ACSM3: variants seen among roughly 807,000 people sequenced by gnomAD.
ACSM3 encodes acyl-CoA synthetase medium chain family member 3.
Under a neutral mutation model 74.1 loss-of-function variants are expected in ACSM3, and 61 were observed. The ratio of observed to expected loss-of-function variants is 0.82; its 90% CI spans 0.67 to 1.02. The LOEUF is 1.02. Among genes scored for constraint, ACSM3 ranks in the 50% least tolerant of loss-of-function variants. The probability of loss-of-function intolerance (pLI) is 0.00; values close to 1 mark genes in which losing one functional copy is unlikely to be tolerated. For synonymous variants in ACSM3, 213 were observed against 241.5 expected, an observed-to-expected ratio of 0.88 and a Z score of 1.09; for missense variants, 660 against 697.0, an observed-to-expected ratio of 0.95 and a Z score of 0.60.
chr16:20,714,680 G>A (rs985873342), intron 1 of ACSM3, among the ~76,000 whole-genome samples: 6 of 152,258 alleles, frequency 3.9e-5, no homozygotes, highest in African/African-American at 1.4e-4. Context: ...CAGTGGGTGG[G>A]TACCATCGGT....
At chr16:20,690,864 T>C in intron 1 of ACSM3, 1 of 820,418 alleles carries the variant, frequency 1.2e-6, no homozygotes, top group Non-Finnish European at 1.8e-6. Context: ...CCTTGAAATA[T>C]AAGCTTCTTC....
chr16:20,766,296 G>A (rs1809061238), intron 1 of ACSM3, among the ~76,000 whole-genome samples: 1 of 138,310 alleles, frequency 7.2e-6, no homozygotes, highest in Non-Finnish European at 1.6e-5. Context: ...CATTGATAGG[G>A]GACCGGTTTA....
chr16:20,775,274 G>A (rs1567349301), intron 2 of ACSM3, among the ~76,000 whole-genome samples: 1 of 152,144 alleles, frequency 6.6e-6, no homozygotes, highest in South Asian at 2.1e-4. Flanking sequence ...GGGTCCTGGG[G>A]TTTGTTGCAG....
chr16:20,743,742 A>G (rs1038485827), intron 1 of ACSM3: 12 of 152,234 alleles, frequency 7.9e-5, no homozygotes, highest in Non-Finnish European at 1.5e-4. Flanking sequence ...AGAGATTTCT[A>G]GAAGTCCTCA....
intron 4 of ACSM3, among the ~76,000 whole-genome samples, chr16:20,778,865 C>T (rs2080292940): frequency 6.6e-6 from 1 of 152,146 alleles, no homozygotes; most frequent in Non-Finnish European, 1.5e-5. Context: ...ATTCTCCTGC[C>T]TCAGCCTTCC....
intron 1 of ACSM3, chr16:20,702,816 A>G (rs1232959573): frequency 6.6e-6 from 1 of 152,152 alleles, no homozygotes; most frequent in Non-Finnish European, 1.5e-5. Flanking sequence ...CTTTAGTTTA[A>G]TTAGATCCCA....
intron 1 of ACSM3, chr16:20,739,025 T>C: frequency 6.2e-7 from 1 of 1,614,196 alleles, no homozygotes; most frequent in Non-Finnish European, 8.5e-7. Context: ...CTCCGCATCA[T>C]CATCCTCTCC....
intron 1 of ACSM3, among the ~76,000 whole-genome samples, chr16:20,745,810 A>T (rs998132781): frequency 6.6e-6 from 1 of 152,084 alleles, no homozygotes; most frequent in African/African-American, 2.4e-5. Context: ...CTGAAGTTCT[A>T]CTTGTATGTT....
intron 1 of ACSM3, among the ~76,000 whole-genome samples, chr16:20,677,618 G>T (rs234280): frequency 2.0e-5 from 3 of 151,934 alleles, no homozygotes; most frequent in Non-Finnish European, 4.4e-5. Context: ...CCCTTGGGGA[G>T]CCAGACATAG....
intron 1 of ACSM3, chr16:20,737,844 TA>T (rs35801120): frequency 6.2e-7 from 1 of 1,613,904 alleles, no homozygotes; most frequent in East Asian, 2.2e-5. Flanking sequence ...TCATATCTTC[TA>T]AAAAAGCCTT....
At chr16:20,794,664 A>G (rs1435849651) in intron 12 of ACSM3, among the ~76,000 whole-genome samples, 1 of 152,224 alleles carries the variant, frequency 6.6e-6, no homozygotes, top group East Asian at 1.9e-4. Flanking sequence ...TTGTAATTCT[A>G]AGACTACAAC....
intron 2 of ACSM3, among the ~76,000 whole-genome samples, chr16:20,772,635 T>C (rs1439493286): frequency 6.6e-6 from 1 of 152,206 alleles, no homozygotes; most frequent in African/African-American, 2.4e-5. Context: ...TCAGTGTATG[T>C]TCTTGGCACC....
chr16:20,695,442 A>G (rs988222738), intron 1 of ACSM3, among the ~76,000 whole-genome samples: 2 of 152,192 alleles, frequency 1.3e-5, no homozygotes, highest in African/African-American at 4.8e-5. Context: ...AGCCAGAGGA[A>G]AAAAATTTCC....
intron 9 of ACSM3, among the ~76,000 whole-genome samples, chr16:20,788,741 G>T (rs1357086591): frequency 2.0e-5 from 3 of 152,170 alleles, no homozygotes; most frequent in African/African-American, 7.2e-5. Context: ...AGACACAGAA[G>T]ATTTTATCTA....
chr16:20,783,328 A>G (rs913684854), intron 7 of ACSM3: 5 of 152,242 alleles, frequency 3.3e-5, no homozygotes, highest in Non-Finnish European at 5.9e-5. Context: ...AAGACTCAGT[A>G]CAGGTTGAGT....
chr16:20,773,483 G>A (rs80130684), intron 2 of ACSM3, among the ~76,000 whole-genome samples: 3,111 of 151,974 alleles, frequency 0.02, 114 homozygotes, highest in African/African-American at 0.072. Flanking sequence ...GTTTGATATA[G>A]GTGTTTATGG....
chr16:20,723,445 T>C (rs1412920948), intron 1 of ACSM3, among the ~76,000 whole-genome samples: 1 of 152,240 alleles, frequency 6.6e-6, no homozygotes, highest in Non-Finnish European at 1.5e-5. Context: ...TCTAGATCCC[T>C]GAGGAATCGC....
Position 20,790,632 on chromosome 16 carries a change from G to C in ACSM3, c.1270G>C (p.Asp424His), listed in dbSNP as rs201453644. Residue 424 changes from aspartate to histidine, a missense_variant, in exon 10 of 14, where the codon GAT becomes CAT. Transcript: ENST00000289416. The surrounding 1 kb of genome is among the most constrained non-coding windows in gnomAD (Gnocchi z 4.0). ...GNVLPPGQEGDIGIQVLPNRP... is the reference protein window; with the variant it reads ...GNVLPPGQEGHIGIQVLPNRP... ...TGTTCTACCTCCTGGACAAGAAGGA[G>C]ATATTGGCATTCAAGTTCTACCCAA... The C allele has an allele frequency of 6.2e-6, 10 of 1,614,142 alleles. No homozygotes were observed. Among genetic ancestry groups the C allele is most frequent in the Non-Finnish European group, 8.5e-6 (10 of 1,179,998 alleles).
chr16:20,742,807 A>G (rs1455619838), intron 1 of ACSM3, among the ~76,000 whole-genome samples: 2 of 95,934 alleles, frequency 2.1e-5, no homozygotes, highest in Non-Finnish European at 4.3e-5. Context: ...ATATATATAT[A>G]TATATATTTT....
Sources: allele counts gnomAD v4.1 joint callset (sites outside exome capture counted in the v4.1 genomes callset), GRCh38; gene constraint gnomAD v4.1.1; non-coding constraint Gnocchi (gnomAD v3.1); transcripts MANE v1.5; gene names NCBI Gene and HGNC (gene_info 2026-07-23, HGNC 2026-07-21).